The following GBE1 variants were observed in gnomAD, a reference collection of about 807,000 sequenced individuals.
GBE1 encodes the protein 1,4-alpha-glucan-branching enzyme.
GBE1 carries 70 observed loss-of-function variants against 88.8 expected under a neutral mutation model. That is an observed-to-expected ratio of 0.79 (90% CI 0.65 to 0.96). The LOEUF is 0.96. GBE1 is among the 40% of genes least tolerant of loss of function. The pLI is 0.00. For synonymous variants in GBE1, 284 were observed against 300.1 expected, an observed-to-expected ratio of 0.95 and a Z score of 0.56; for missense variants, 872 against 871.0, an observed-to-expected ratio of 1.00 and a Z score of -0.01.
At chr3:81,539,340 A>G (rs1183850488) in intron 12 of GBE1, among the ~76,000 whole-genome samples, 2 of 151,994 alleles carry the variant, frequency 1.3e-5, no homozygotes, top group Admixed American at 1.3e-4. Flanking sequence ...AGATGTAGTA[A>G]AAAGTTCAGT....
At chr3:81,553,261 T>C (rs951871714) in intron 12 of GBE1, among the ~76,000 whole-genome samples, 1 of 152,208 alleles carries the variant, frequency 6.6e-6, no homozygotes, top group Non-Finnish European at 1.5e-5. Context: ...GTTTAGCCTC[T>C]TCAGAGTTTT....
At chr3:81,524,644 A>T (rs1391388435) in intron 14 of GBE1, among the ~76,000 whole-genome samples, 1 of 151,936 alleles carries the variant, frequency 6.6e-6, no homozygotes, top group Non-Finnish European at 1.5e-5. Flanking sequence ...CAGTTTTCCC[A>T]GCACCGTCTA....
At chr3:81,550,329 T>C (rs1423994353) in intron 12 of GBE1, among the ~76,000 whole-genome samples, 2 of 151,396 alleles carry the variant, frequency 1.3e-5, no homozygotes, top group African/African-American at 4.8e-5. Context: ...GCTTTCTGAC[T>C]GAGCTCCTCT....
intron 14 of GBE1, among the ~76,000 whole-genome samples, chr3:81,523,711 T>C (rs1260075187): frequency 1.3e-5 from 2 of 151,728 alleles, no homozygotes; most frequent in Non-Finnish European, 2.9e-5. Context: ...ATCAACTGTT[T>C]TAATTTTTAG....
At chr3:81,506,839 G>A (rs947570116) in intron 14 of GBE1, among the ~76,000 whole-genome samples, 6 of 152,110 alleles carry the variant, frequency 3.9e-5, no homozygotes, top group African/African-American at 1.4e-4. Flanking sequence ...AATACTGCAT[G>A]TTCTCACTTA....
At chr3:81,658,406 C>T (rs929634747) in intron 3 of GBE1, among the ~76,000 whole-genome samples, 2 of 152,014 alleles carry the variant, frequency 1.3e-5, no homozygotes, top group Admixed American at 6.6e-5. Flanking sequence ...CCTGACAACA[C>T]CAATTAGAGA....
intron 12 of GBE1, among the ~76,000 whole-genome samples, chr3:81,563,401 T>C (rs1703447071): frequency 6.6e-6 from 1 of 152,126 alleles, no homozygotes; most frequent in South Asian, 2.1e-4. Flanking sequence ...TAGAGTGATG[T>C]CAGGAAAGGG....
intron 3 of GBE1, among the ~76,000 whole-genome samples, chr3:81,662,671 A>G (rs1020133101): frequency 3.9e-5 from 6 of 151,940 alleles, no homozygotes; most frequent in South Asian, 2.1e-4. Flanking sequence ...GTAAAAAAAA[A>G]AAAAAAGAAA....
At chr3:81,518,939 T>C (rs1702835021) in intron 14 of GBE1, among the ~76,000 whole-genome samples, 1 of 151,604 alleles carries the variant, frequency 6.6e-6, no homozygotes, top group South Asian at 2.1e-4. Context: ...ATCTAAAACC[T>C]GGAAAACTAG....
At chr3:81,612,656 A>C (rs1704198432) in intron 7 of GBE1, 1 of 561,746 alleles carries the variant, frequency 1.8e-6, no homozygotes, top group Non-Finnish European at 3.4e-6. Flanking sequence ...TTCGACTTTC[A>C]AAATCTCCTC....
chr3:81,491,153 G>A (rs1282964928), intron 15 of GBE1, among the ~76,000 whole-genome samples: 1 of 152,128 alleles, frequency 6.6e-6, no homozygotes, highest in Non-Finnish European at 1.5e-5. Context: ...TGTGCCTTCT[G>A]CTGTAAACAC....
intron 12 of GBE1, among the ~76,000 whole-genome samples, chr3:81,556,679 C>G (rs904216814): frequency 1.3e-5 from 2 of 152,078 alleles, no homozygotes; most frequent in African/African-American, 4.8e-5. Context: ...GTATAAACAT[C>G]AAGAAGGTAA....
rs2107114832 is a variant in GBE1 at position 81,670,961 on chromosome 3, A to T, written c.314-8T>A. 1 of 1,415,504 alleles carries T rather than the reference A, an allele frequency of 7.1e-7. No homozygotes were observed. The highest frequency in any genetic ancestry group is 2.2e-5 in the Admixed American group (1 of 45,008). 87.7% of individuals were successfully genotyped at this position (1,415,504 alleles called of 1,614,324 possible). ...AAAATGGATTCCAACCATCTAAAAA[A>T]ATGAAGAAGATCAGTTAACAACAGC... On this transcript the variant is annotated splice_polypyrimidine_tract_variant and splice_region_variant and intron_variant, in intron 2 of 15. Coordinates refer to ENST00000429644, the MANE Select transcript of GBE1 (RefSeq NM_000158.4).
chr3:81,520,486 G>A (rs994307388), intron 14 of GBE1, among the ~76,000 whole-genome samples: 3 of 151,468 alleles, frequency 2.0e-5, no homozygotes, highest in Non-Finnish European at 4.4e-5. Flanking sequence ...GCATTAGAAA[G>A]AGCACTCTGG....
rs541391908 is a variant in GBE1, at chr3:81,513,983, T to C, written c.1935-14756A>G. 2.6e-5 allele frequency among the ~76,000 whole-genome samples: 4 copies of C among 151,876 alleles called. No homozygotes were observed. The South Asian group carries it at 8.3e-4, about 31-fold the overall frequency. ...GCAAATTTCTTTATGTTTACAAATA[T>C]AAGAACAAGAAATACCTATTACCTC... On this transcript the variant is annotated intron_variant, in intron 14 of 15. Coordinates refer to ENST00000429644, the MANE Select transcript of GBE1 (RefSeq NM_000158.4).
chr3:81,591,489 A>G (rs1468996002), intron 8 of GBE1, among the ~76,000 whole-genome samples: 1 of 152,190 alleles, frequency 6.6e-6, no homozygotes, highest in African/African-American at 2.4e-5. Flanking sequence ...ATAATTGTCA[A>G]TACATTTTCT....
At chr3:81,715,024 T>G (rs1209684120) in intron 1 of GBE1, among the ~76,000 whole-genome samples, 1 of 152,162 alleles carries the variant, frequency 6.6e-6, no homozygotes, top group Admixed American at 6.5e-5. Flanking sequence ...GTTTCAACAT[T>G]TATGGTCTGA....
intron 14 of GBE1, among the ~76,000 whole-genome samples, chr3:81,531,588 C>T (rs987143011): frequency 6.6e-6 from 1 of 151,792 alleles, no homozygotes; most frequent in Non-Finnish European, 1.5e-5. Context: ...GAAGCAAGTT[C>T]CCTTAAGGCA....
chr3:81,642,776 C>T lies in GBE1; in HGVS notation c.992+5G>A. 6.4e-7 allele frequency: 1 copy of T among 1,565,060 alleles called. No homozygotes were observed. The highest frequency in any genetic ancestry group is 8.8e-7 in the Non-Finnish European group (1 of 1,135,774). ...AGAAAACATTTCTATATTGTATGTACCTACCTGGAGTAGGCAAACAATCTG... is the reference window on the plus strand; with the variant it reads ...AGAAAACATTTCTATATTGTATGTATCTACCTGGAGTAGGCAAACAATCTG... On this transcript the variant is annotated splice_donor_5th_base_variant and intron_variant, in intron 7 of 15. Coordinates refer to ENST00000429644, the MANE Select transcript of GBE1 (RefSeq NM_000158.4).
Sources: gnomAD v4.1 joint callset for allele counts (sites outside exome capture counted in the v4.1 genomes callset) on GRCh38, gnomAD v4.1.1 for gene constraint, MANE v1.5 for transcripts, NCBI Gene and HGNC (gene_info 2026-07-23, HGNC 2026-07-21) for gene names.